Variants in UNC13C observed in about 807,000 individuals in gnomAD.
UNC13C encodes unc-13 homolog C.
A neutral mutation model predicts 245.4 loss-of-function variants in UNC13C; 174 were observed. That is an observed-to-expected ratio of 0.71 (90% CI 0.63 to 0.80). UNC13C has a LOEUF of 0.80. Ranked by LOEUF, UNC13C falls within the 30% of genes least tolerant of loss-of-function variation. The pLI is 0.00. For missense variants in UNC13C, 2,829 were observed against 2,602.9 expected, an observed-to-expected ratio of 1.09 and a Z score of -1.89; for synonymous variants, 992 against 895.1, an observed-to-expected ratio of 1.11 and a Z score of -1.93.
chr15:54,159,762 T>C (rs2032898401), intron 4 of UNC13C, among the ~76,000 whole-genome samples: 1 of 152,172 alleles, frequency 6.6e-6, no homozygotes, highest in Non-Finnish European at 1.5e-5. Flanking sequence ...AAACATCAGC[T>C]AAGAAACATG....
At chr15:54,468,300 G>T (rs1487882353) in intron 19 of UNC13C, among the ~76,000 whole-genome samples, 1 of 151,610 alleles carries the variant, frequency 6.6e-6, no homozygotes, top group East Asian at 1.9e-4. Flanking sequence ...AAATAGGGTT[G>T]TTTTATTGTT....
chr15:53,923,602 A>G, the UNC13C span, among the ~76,000 whole-genome samples: 1 of 152,296 alleles, frequency 6.6e-6, no homozygotes, highest in East Asian at 1.9e-4. Context: ...AGCTGTCTCT[A>G]CAGAGCTCAC....
At chr15:54,182,237 A>G (rs2033825995) in intron 4 of UNC13C, among the ~76,000 whole-genome samples, 1 of 151,844 alleles carries the variant, frequency 6.6e-6, no homozygotes, top group African/African-American at 2.4e-5. Context: ...AGTTTTTTAT[A>G]CTGAAGGGAT....
chr15:53,894,251 C>T, the UNC13C span, among the ~76,000 whole-genome samples: 977 of 152,326 alleles, frequency 6.4e-3, 4 homozygotes, highest in Non-Finnish European at 8.6e-3. Context: ...GTGTCAATCG[C>T]GCTGGGAGCT....
chr15:54,276,278 T>C (rs1294881045), intron 10 of UNC13C, among the ~76,000 whole-genome samples: 1 of 152,140 alleles, frequency 6.6e-6, no homozygotes, highest in Non-Finnish European at 1.5e-5. Context: ...ACATTTCAAA[T>C]GTATGCAGCT....
chr15:54,265,351 TC>T lies in UNC13C; in HGVS notation c.3677-3del. 6.6e-7 allele frequency: 1 copy of T among 1,503,926 alleles called. No homozygotes were observed. Among genetic ancestry groups the T allele is most frequent in the Non-Finnish European group, 8.9e-7 (1 of 1,123,492 alleles). The allele number at this position is 1,503,926 out of a possible 1,614,324, so 93.2% of individuals were successfully genotyped here. A position where few individuals can be genotyped will look rare whatever the true frequency, so the allele number is the denominator to read the frequency against. The stretch of plus-strand genomic sequence containing the variant: ...GTTAAAATGTTTATTTTGGTTTATT[TC>T]AGTGGTTTCTGCACAGGGTCTACAG... On this transcript the variant is annotated splice_polypyrimidine_tract_variant and splice_region_variant and intron_variant, in intron 9 of 32. Transcript: ENST00000260323.
chr15:54,040,770 T>C (rs187856075), intron 2 of UNC13C, among the ~76,000 whole-genome samples: 5 of 152,288 alleles, frequency 3.3e-5, no homozygotes, highest in Admixed American at 1.3e-4. Context: ...ATGCCTATGG[T>C]ACTAACAGTG....
At chr15:54,123,497 T>C (rs1489323501) in intron 2 of UNC13C, among the ~76,000 whole-genome samples, 1 of 152,056 alleles carries the variant, frequency 6.6e-6, no homozygotes, top group African/African-American at 2.4e-5. Context: ...AGAGCATAAC[T>C]TTAAATCTTG....
intron 22 of UNC13C, among the ~76,000 whole-genome samples, chr15:54,503,993 A>G (rs1382785166): frequency 6.6e-6 from 1 of 152,140 alleles, no homozygotes; most frequent in African/African-American, 2.4e-5. Context: ...TTCTTACTAA[A>G]CAGGATATAA....
intron 1 of UNC13C, among the ~76,000 whole-genome samples, chr15:53,993,038 G>A (rs1264047281): frequency 3.9e-5 from 6 of 152,002 alleles, no homozygotes; most frequent in African/African-American, 1.2e-4. Flanking sequence ...TTTCTACATA[G>A]CATCAGTGAT....
intron 1 of UNC13C, among the ~76,000 whole-genome samples, chr15:54,005,289 A>G (rs529669140): frequency 1.3e-5 from 2 of 152,332 alleles, no homozygotes; most frequent in Admixed American, 1.3e-4. Flanking sequence ...AACATACTAC[A>G]TAGGTCACCA....
At chr15:54,388,127 C>T (rs1424640496) in intron 17 of UNC13C, among the ~76,000 whole-genome samples, 3 of 152,156 alleles carry the variant, frequency 2.0e-5, no homozygotes, top group African/African-American at 4.8e-5. Flanking sequence ...CTACTGACCT[C>T]AATTTCCTGT....
In UNC13C at chr15:54,138,953, A is replaced by AT. The variant is rs56255946; in HGVS notation, c.2984-4040dup. On this transcript the variant is annotated intron_variant, in intron 2 of 32. Coordinates refer to ENST00000260323, the MANE Select transcript of UNC13C (RefSeq NM_001080534.3). Reference sequence around the variant, plus strand: ...TGCATATATCTCCAAATTTCCCCTAATTTTTTTTTTTTTTTTTTTTTTTTT... The same window carrying AT: ...TGCATATATCTCCAAATTTCCCCTAATTTTTTTTTTTTTTTTTTTTTTTTTT... 2.3e-3 allele frequency among the ~76,000 whole-genome samples: 110 copies of AT among 48,626 alleles called. 15 individuals carry two copies. The highest frequency in any genetic ancestry group is 0.059 in the Middle Eastern group (2 of 34). 31.9% of individuals were successfully genotyped at this position (48,626 alleles called of 152,430 possible).
chr15:54,194,903 A>T (rs2034302159), intron 4 of UNC13C, among the ~76,000 whole-genome samples: 2 of 152,162 alleles, frequency 1.3e-5, no homozygotes, highest in Admixed American at 1.3e-4. Context: ...TAAGACAAAA[A>T]TCCTCAGTGA....
chr15:54,564,844 A>G (rs1371104136), intron 29 of UNC13C, among the ~76,000 whole-genome samples: 2 of 151,998 alleles, frequency 1.3e-5, no homozygotes, highest in African/African-American at 4.8e-5. Context: ...TAGGCCCTCT[A>G]CTACCTAGAG....
intron 13 of UNC13C, among the ~76,000 whole-genome samples, chr15:54,303,995 C>A (rs968384820): frequency 1.3e-5 from 2 of 152,004 alleles, no homozygotes; most frequent in African/African-American, 4.8e-5. Context: ...ATTTATAAAT[C>A]TCAGGAAAGG....
Position 54,014,610 on chromosome 15 carries a change from T to G in UNC13C, c.1707T>G (p.Phe569Leu). Reference sequence around the variant, plus strand: ...CAGAAGATTTTTCAGAAAATCAGTTTTTCACTAGAACTAATGGAAGCTCTC... The same window carrying G: ...CAGAAGATTTTTCAGAAAATCAGTTGTTCACTAGAACTAATGGAAGCTCTC... Reference protein sequence around the residue: ...SYSEDFSENQFFTRTNGSSLL... With the variant: ...SYSEDFSENQLFTRTNGSSLL... The change falls in exon 2 of 33, where the codon TTT (phenylalanine) becomes TTG (leucine). Residue 569 changes from phenylalanine (F) to leucine (L), a missense_variant. Transcript: ENST00000260323. 3 of 1,613,792 alleles carry G rather than the reference T, an allele frequency of 1.9e-6. No individual in the cohort carries two copies. The highest frequency in any genetic ancestry group is 2.5e-6 in the Non-Finnish European group (3 of 1,179,814).
chr15:53,916,654 C>G, the UNC13C span, among the ~76,000 whole-genome samples: 1 of 152,176 alleles, frequency 6.6e-6, no homozygotes, highest in Non-Finnish European at 1.5e-5. Flanking sequence ...AGAGTTCTTT[C>G]TAAAAATGTG....
At chr15:53,878,097 T>A in the UNC13C span, among the ~76,000 whole-genome samples, 1 of 152,090 alleles carries the variant, frequency 6.6e-6, no homozygotes, top group Admixed American at 6.5e-5. Context: ...TTGCATTTTT[T>A]AAAAAAATGG....
Sources: gnomAD v4.1 joint callset for allele counts (sites outside exome capture counted in the v4.1 genomes callset) on GRCh38, gnomAD v4.1.1 for gene constraint, MANE v1.5 for transcripts, NCBI Gene and HGNC (gene_info 2026-07-23, HGNC 2026-07-21) for gene names.